The following TGFBRAP1 variants were observed in gnomAD, a reference collection of about 807,000 sequenced individuals.
TGFBRAP1 encodes transforming growth factor-beta receptor-associated protein 1.
In TGFBRAP1, 20 loss-of-function variants were observed where a neutral mutation model predicts 83.2. The ratio of observed to expected loss-of-function variants is 0.24; its 90% confidence interval spans 0.17 to 0.35. TGFBRAP1 has a LOEUF of 0.35. Among genes scored for constraint, TGFBRAP1 ranks in the 10% least tolerant of loss-of-function variants. The pLI is 1.00. For missense variants in TGFBRAP1, 950 were observed against 1,099.4 expected (o/e 0.86, Z 1.92); for synonymous variants, 415 against 459.8 (o/e 0.90, Z 1.25).
At chr2:105,254,163 TAA>T in the TGFBRAP1 span, among the ~76,000 whole-genome samples, 1 of 152,182 alleles carries the variant, frequency 6.6e-6, no homozygotes, top group East Asian at 1.9e-4. Flanking sequence ...AATAAACTTC[TAA>T]AAGTGGAAAT....
chr2:105,272,610 G>A (rs957142974), intron 10 of TGFBRAP1, among the ~76,000 whole-genome samples: 3 of 152,120 alleles, frequency 2.0e-5, no homozygotes, highest in African/African-American at 7.2e-5. Flanking sequence ...GGTGGCTCAC[G>A]CCTATAATCC....
intron 5 of TGFBRAP1, among the ~76,000 whole-genome samples, chr2:105,282,161 C>T (rs1027722278): frequency 1.3e-5 from 2 of 152,224 alleles, no homozygotes; most frequent in African/African-American, 4.8e-5. Context: ...GAAAGGCACA[C>T]ATCCAGTTTC....
chr2:105,299,133 T>G (rs1235516307), intron 2 of TGFBRAP1, among the ~76,000 whole-genome samples: 1 of 151,600 alleles, frequency 6.6e-6, no homozygotes, highest in Non-Finnish European at 1.5e-5. Context: ...ATATAAAAAT[T>G]AGCCAGGTGT....
Position 105,267,292 on chromosome 2 carries a change from G to A in TGFBRAP1, c.*91C>T. 1.3e-6 allele frequency: 2 copies of A among 1,531,506 alleles called. No individual in the cohort carries two copies. Among genetic ancestry groups the A allele is most frequent in the Non-Finnish European group, 1.8e-6 (2 of 1,134,688 alleles). 94.9% of individuals were successfully genotyped at this position (1,531,506 alleles called of 1,614,324 possible). A position where few individuals can be genotyped will look rare whatever the true frequency, so the allele number is the denominator to read the frequency against. On this transcript the variant is annotated 3_prime_UTR_variant, in exon 12 of 12. Transcript: ENST00000393359. ...CACCCAGATGTCTCCCTTCGTCCTG[G>A]CTGACACAGAGCATGGTGGTCATCT...
At chr2:105,298,968 A>G (rs1180780062) in intron 2 of TGFBRAP1, among the ~76,000 whole-genome samples, 1 of 152,214 alleles carries the variant, frequency 6.6e-6, no homozygotes, top group Non-Finnish European at 1.5e-5. Context: ...TAATATTACC[A>G]CAAACTTAGC....
At chr2:105,260,014 A>G (rs1676752279), downstream of TGFBRAP1, among the ~76,000 whole-genome samples, 1 of 152,356 alleles carries the variant, frequency 6.6e-6, no homozygotes, top group East Asian at 1.9e-4. Flanking sequence ...TAGAAATTCT[A>G]ATTTTATATA....
At chr2:105,253,954 G>C in the TGFBRAP1 span, among the ~76,000 whole-genome samples, 3 of 151,882 alleles carry the variant, frequency 2.0e-5, no homozygotes, top group Non-Finnish European at 2.9e-5. Context: ...TTTTGGTTTT[G>C]TTTGCTTTTG....
intron 4 of TGFBRAP1, among the ~76,000 whole-genome samples, chr2:105,286,086 G>A (rs543835411): frequency 6.8e-4 from 104 of 152,176 alleles, no homozygotes; most frequent in African/African-American, 2.4e-3. Context: ...TCCTTATGGC[G>A]GTAGGATTCA....
chr2:105,262,512 C>T (rs1676813120), downstream of TGFBRAP1, among the ~76,000 whole-genome samples: 1 of 152,170 alleles, frequency 6.6e-6, no homozygotes, highest in Admixed American at 6.5e-5. Context: ...GCCAAACAAA[C>T]CTTTTCTTTA....
At chr2:105,328,744 T>G (rs1016941363) in intron 1 of TGFBRAP1, among the ~76,000 whole-genome samples, 1 of 152,240 alleles carries the variant, frequency 6.6e-6, no homozygotes, top group Non-Finnish European at 1.5e-5. Context: ...AGACATGTTT[T>G]GACCACAGCT....
chr2:105,269,671 G>C lies in TGFBRAP1; in HGVS notation c.2007C>G (p.Ser669Arg), dbSNP rs777278959. ...CGCCCAGCTTCCCGTGCAGGATGGC[G>C]CTCTCCATGGGCAGGCCAGCTCCCT... ...RLQGAGLPME[S>R]AILHGKLGEH... Residue 669 changes from serine to arginine, a missense_variant, in exon 11 of 12, where the codon AGC becomes AGG. Transcript: ENST00000393359. The surrounding 1 kb of genome is among the most constrained non-coding windows in gnomAD (Gnocchi z 4.1). The C allele has an allele frequency of 6.4e-7, 1 of 1,571,302 alleles. No individual in the cohort carries two copies. The highest frequency in any genetic ancestry group is 2.3e-5 in the East Asian group (1 of 44,260).
rs1276570154 is a variant in TGFBRAP1, at chr2:105,275,587, A to G, written c.1638T>C (p.Ala546=). 6.2e-7 allele frequency: 1 copy of G among 1,613,984 alleles called. No individual in the cohort carries two copies. Among genetic ancestry groups the G allele is most frequent in the Non-Finnish European group, 8.5e-7 (1 of 1,180,012 alleles). The part of the protein sequence containing the change: ...CLDEELVWAY[A]DWVLQKSEEV... ...CTTCACTTTTCTGCAGGACCCAATC[A>G]GCATAGGCCCACACTAGTTCCTCGT... The change falls in exon 8 of 12, where the codon GCT becomes GCC. Residue 546 remains alanine (A), a synonymous_variant. Coordinates refer to ENST00000393359, the MANE Select transcript of TGFBRAP1 (RefSeq NM_004257.6).
chr2:105,318,765 A>C (rs1230962792), intron 1 of TGFBRAP1, among the ~76,000 whole-genome samples: 2 of 152,206 alleles, frequency 1.3e-5, no homozygotes, highest in Admixed American at 6.5e-5. Flanking sequence ...CCTAGAAGGT[A>C]AAGGGAAAGA....
At position 105,264,784 on chromosome 2, in the gene TGFBRAP1, A is replaced by G. The variant is rs1676865563; in HGVS notation, c.*2599T>C. 1 of 152,236 alleles carries G rather than the reference A, an allele frequency of 6.6e-6. No homozygotes were observed. Among genetic ancestry groups the G allele is most frequent in the African/African-American group, 2.4e-5 (1 of 41,456 alleles). The allele number at this position is 152,236 out of a possible 1,614,324, so 9.4% of individuals were successfully genotyped here. ...GAACAGCAGATAAACAGTTCCAAAA[A>G]CCAAATGGTATTGCCCATAGAATAT... On this transcript the variant is annotated 3_prime_UTR_variant, in exon 12 of 12. Coordinates refer to ENST00000393359, the MANE Select transcript of TGFBRAP1 (RefSeq NM_004257.6).
chr2:105,307,337 TGAG>T (rs1202979789), intron 2 of TGFBRAP1, among the ~76,000 whole-genome samples: 2 of 152,212 alleles, frequency 1.3e-5, no homozygotes, highest in East Asian at 3.8e-4. Flanking sequence ...GACTAAGGGC[TGAG>T]AATATCCCCA....
intron 4 of TGFBRAP1, among the ~76,000 whole-genome samples, chr2:105,287,196 G>A (rs1415220164): frequency 6.6e-6 from 1 of 152,000 alleles, no homozygotes; most frequent in African/African-American, 2.4e-5. Context: ...GGCTGGTGGG[G>A]GTGTAGGGTG....
At chr2:105,326,413 G>C (rs1417110656) in intron 1 of TGFBRAP1, among the ~76,000 whole-genome samples, 1 of 152,154 alleles carries the variant, frequency 6.6e-6, no homozygotes, top group African/African-American at 2.4e-5. Context: ...CCTTCAAACA[G>C]CCACAAAAAA....
intron 10 of TGFBRAP1, among the ~76,000 whole-genome samples, chr2:105,271,326 G>C (rs1677146548): frequency 6.6e-6 from 1 of 152,214 alleles, no homozygotes; most frequent in South Asian, 2.1e-4. Flanking sequence ...ACTTGTGGCT[G>C]GCCTGAGAGT....
chr2:105,310,621 G>A (rs569157181), intron 1 of TGFBRAP1, among the ~76,000 whole-genome samples: 3 of 152,142 alleles, frequency 2.0e-5, no homozygotes, highest in African/African-American at 4.8e-5. Flanking sequence ...AGGTGAGGCC[G>A]AGTGCAGAAC....
Sources: gnomAD v4.1 joint callset for allele counts (sites outside exome capture counted in the v4.1 genomes callset) on GRCh38, gnomAD v4.1.1 for gene constraint, Gnocchi (gnomAD v3.1) non-coding constraint, MANE v1.5 for transcripts, NCBI Gene and HGNC (gene_info 2026-07-23, HGNC 2026-07-21) for gene names.